The following DLGAP1 variants were observed in gnomAD, a reference collection of about 807,000 sequenced individuals.
The protein encoded by DLGAP1 is disks large-associated protein 1.
DLGAP1 carries 11 observed loss-of-function variants against 90.8 expected under a neutral mutation model. The observed-to-expected ratio is 0.12, with a 90% CI of 0.08 to 0.20. The LOEUF is 0.20. Among genes scored for constraint, DLGAP1 ranks in the 10% least tolerant of loss-of-function variants. The pLI is 1.00. For missense variants in DLGAP1, 1,050 were observed against 1,333.8 expected (o/e 0.79, Z 3.31); for synonymous variants, 558 against 540.7 (o/e 1.03, Z -0.44).
intron 1 of DLGAP1, among the ~76,000 whole-genome samples, chr18:4,248,942 G>A (rs779195386): frequency 2.0e-5 from 3 of 152,142 alleles, no homozygotes; most frequent in Non-Finnish European, 2.9e-5. Flanking sequence ...GGCACCCTCC[G>A]GCCTCCCGCC....
chr18:4,266,783 T>C (rs533697341), intron 1 of DLGAP1, among the ~76,000 whole-genome samples: 1 of 152,338 alleles, frequency 6.6e-6, no homozygotes, highest in Admixed American at 6.5e-5. Flanking sequence ...ATCAACTGCA[T>C]TCTGGGCAAA....
intron 5 of DLGAP1, 60 bp from the exon 6 acceptor site, chr18:3,742,572 C>G (rs3745050): frequency 0.43 from 685,702 of 1,585,750 alleles, 151,795 homozygotes; most frequent in African/African-American, 0.58. Flanking sequence ...GAAGCAATAA[C>G]ATGTGGCACT....
chr18:3,643,918 A>C (rs2146346696), intron 7 of DLGAP1, among the ~76,000 whole-genome samples: 1 of 152,264 alleles, frequency 6.6e-6, no homozygotes, highest in Non-Finnish European at 1.5e-5. Context: ...TTGCCAATGA[A>C]AAAAGCATGC....
chr18:3,532,585 A>G (rs2052084234), intron 10 of DLGAP1, among the ~76,000 whole-genome samples: 1 of 152,014 alleles, frequency 6.6e-6, no homozygotes, highest in Admixed American at 6.5e-5. Context: ...TCTCAAAAAA[A>G]AAAAAGAAAA....
chr18:4,072,298 CTT>C (rs10578078), intron 2 of DLGAP1, among the ~76,000 whole-genome samples: 123,155 of 150,886 alleles, frequency 0.82, 50,385 homozygotes, highest in East Asian at 0.94. Context: ...AATGATGAAA[CTT>C]TTTTTTTTTT....
At chr18:3,950,210 G>A (rs2072956937) in intron 3 of DLGAP1, among the ~76,000 whole-genome samples, 1 of 152,214 alleles carries the variant, frequency 6.6e-6, no homozygotes, top group Admixed American at 6.5e-5. Context: ...GGCAGAGCCA[G>A]TATTTCATTA....
At chr18:4,113,239 A>G (rs949460757) in intron 2 of DLGAP1, among the ~76,000 whole-genome samples, 6 of 152,122 alleles carry the variant, frequency 3.9e-5, no homozygotes, top group Non-Finnish European at 8.8e-5. Flanking sequence ...GTGTCTAAGC[A>G]TTCTCTTTTC....
intron 1 of DLGAP1, among the ~76,000 whole-genome samples, chr18:4,346,528 CAGATG>C (rs1366930926): frequency 6.6e-6 from 1 of 152,152 alleles, no homozygotes; most frequent in Non-Finnish European, 1.5e-5. Context: ...ACTTAATCTT[CAGATG>C]AGATGTTATC....
At chr18:4,172,459 T>C (rs2077041037) in intron 1 of DLGAP1, among the ~76,000 whole-genome samples, 1 of 152,238 alleles carries the variant, frequency 6.6e-6, no homozygotes, top group Non-Finnish European at 1.5e-5. Context: ...AATACATGCA[T>C]GATTCCTATA....
intron 1 of DLGAP1, among the ~76,000 whole-genome samples, chr18:4,313,759 GAACT>G (rs2080458189): frequency 6.6e-6 from 1 of 152,126 alleles, no homozygotes; most frequent in South Asian, 2.1e-4. Flanking sequence ...ATAACAAGTT[GAACT>G]TCACTACAGA....
intron 1 of DLGAP1, among the ~76,000 whole-genome samples, chr18:4,365,306 A>C (rs1348047690): frequency 1.3e-5 from 2 of 152,198 alleles, no homozygotes; most frequent in Non-Finnish European, 2.9e-5. Flanking sequence ...GCAGAAGCGC[A>C]AACTAAACCC....
intron 1 of DLGAP1, among the ~76,000 whole-genome samples, chr18:4,413,143 T>C (rs905792266): frequency 1.3e-5 from 2 of 152,086 alleles, no homozygotes; most frequent in African/African-American, 4.8e-5. Context: ...TTTACCTCGT[T>C]ATCCATCTAG....
intron 2 of DLGAP1, chr18:4,013,672 C>T (rs1372610399): frequency 6.6e-6 from 1 of 152,234 alleles, no homozygotes; most frequent in Non-Finnish European, 1.5e-5. Context: ...ACAGCCACCA[C>T]ACACTTTTGT....
At chr18:3,807,193 C>A (rs1568167552) in intron 5 of DLGAP1, among the ~76,000 whole-genome samples, 1 of 152,196 alleles carries the variant, frequency 6.6e-6, no homozygotes, top group Non-Finnish European at 1.5e-5. Context: ...GACGCCCCTT[C>A]AAATCCATGC....
intron 2 of DLGAP1, among the ~76,000 whole-genome samples, chr18:4,044,339 G>A (rs1176707821): frequency 6.6e-6 from 1 of 152,162 alleles, no homozygotes; most frequent in Non-Finnish European, 1.5e-5. Context: ...AAAAGCCACG[G>A]GGAACATCTC....
chr18:4,010,003 A>G (rs2074385174), intron 2 of DLGAP1, among the ~76,000 whole-genome samples: 2 of 152,254 alleles, frequency 1.3e-5, no homozygotes, highest in Admixed American at 6.5e-5. Context: ...TTACAAGATC[A>G]TGCAAATTCT....
chr18:4,269,965 A>T (rs545074097), intron 1 of DLGAP1, among the ~76,000 whole-genome samples: 1 of 152,152 alleles, frequency 6.6e-6, no homozygotes, highest in African/African-American at 2.4e-5. Context: ...AGCTTGTTTC[A>T]CTTTAGCATG....
chr18:3,932,554 C>A (rs1265663007), intron 3 of DLGAP1, among the ~76,000 whole-genome samples: 2 of 152,114 alleles, frequency 1.3e-5, no homozygotes, highest in Non-Finnish European at 1.5e-5. Context: ...TCCCACGTGG[C>A]CAAAGGGGGT....
At chr18:4,352,727 T>A (rs1001613819) in intron 1 of DLGAP1, among the ~76,000 whole-genome samples, 3 of 152,146 alleles carry the variant, frequency 2.0e-5, no homozygotes, top group Non-Finnish European at 4.4e-5. Context: ...AATTCTGTAC[T>A]CACTCTTGCC....
Sources: allele counts gnomAD v4.1 joint callset (sites outside exome capture counted in the v4.1 genomes callset), GRCh38; gene constraint gnomAD v4.1.1; transcripts MANE v1.5; gene names NCBI Gene and HGNC (gene_info 2026-07-23, HGNC 2026-07-21).